RUNX1T1: variants seen among roughly 807,000 people sequenced by gnomAD.
RUNX1T1 encodes RUNX1 partner transcriptional co-repressor 1.
Under a neutral mutation model 62.8 loss-of-function variants are expected in RUNX1T1, and 4 were observed. That is an observed-to-expected ratio of 0.06 (90% CI 0.03 to 0.15). The LOEUF is 0.15. Ranked by LOEUF, RUNX1T1 falls within the 10% of genes least tolerant of loss-of-function variation. RUNX1T1 has a pLI of 1.00. For synonymous variants in RUNX1T1, 291 were observed against 286.0 expected (o/e 1.02, Z -0.18); for missense variants, 508 against 754.3 (o/e 0.67, Z 3.82).
intron 1 of RUNX1T1, among the ~76,000 whole-genome samples, chr8:92,085,955 T>C (rs1285225790): frequency 1.3e-5 from 2 of 152,254 alleles, no homozygotes; most frequent in African/African-American, 4.8e-5. Context: ...TATCTGTTAA[T>C]TGTAAAATGG....
At chr8:91,973,628 T>C (rs1444331693) in intron 9 of RUNX1T1, among the ~76,000 whole-genome samples, 1 of 152,098 alleles carries the variant, frequency 6.6e-6, no homozygotes, top group Non-Finnish European at 1.5e-5. Flanking sequence ...AAAATTTTTT[T>C]GCCCATAGCC....
intron 1 of RUNX1T1, among the ~76,000 whole-genome samples, chr8:92,052,768 C>A (rs964154733): frequency 6.6e-5 from 10 of 152,130 alleles, no homozygotes; most frequent in South Asian, 4.1e-4. Flanking sequence ...CCAACAAATT[C>A]TCTGGTGAGG....
At chr8:92,069,318 T>C (rs1018043488) in intron 2 of RUNX1T1, among the ~76,000 whole-genome samples, 2 of 152,098 alleles carry the variant, frequency 1.3e-5, no homozygotes, top group African/African-American at 2.4e-5. Flanking sequence ...TCCCTATAGT[T>C]CAGAGAAATT....
exon 11 of RUNX1T1, chr8:91,959,451 T>A: frequency 8.1e-6 from 1 of 123,454 alleles, no homozygotes; most frequent in Non-Finnish European, 1.4e-5. Flanking sequence ...TGTGTGTGTG[T>A]GTGTGTGTGT....
At chr8:92,011,378 C>T (rs1173025117) in intron 3 of RUNX1T1, among the ~76,000 whole-genome samples, 2 of 152,126 alleles carry the variant, frequency 1.3e-5, no homozygotes, top group Non-Finnish European at 2.9e-5. Flanking sequence ...GAAGTCTTTG[C>T]AATTATGAAG....
intron 5 of RUNX1T1, 40 bp downstream of exon 6, chr8:92,005,076 A>G (rs1221159436): frequency 5.3e-6 from 8 of 1,523,454 alleles, no homozygotes; most frequent in South Asian, 3.8e-5. Context: ...CAGGTATGGG[A>G]AAAAGGTCAT....
At chr8:91,995,315 A>G (rs1158440960) in intron 5 of RUNX1T1, among the ~76,000 whole-genome samples, 1 of 152,208 alleles carries the variant, frequency 6.6e-6, no homozygotes, top group Non-Finnish European at 1.5e-5. Context: ...GGAGGTAAAA[A>G]GCATTTTTTT....
At chr8:92,024,338 G>A (rs1215065298) in intron 1 of RUNX1T1, among the ~76,000 whole-genome samples, 1 of 151,712 alleles carries the variant, frequency 6.6e-6, no homozygotes, top group African/African-American at 2.4e-5. Flanking sequence ...GTAAAGCCCT[G>A]TCTCTACAAA....
intron 6 of RUNX1T1, 57 bp downstream of exon 7, chr8:91,991,581 TG>T: frequency 1.3e-6 from 2 of 1,524,390 alleles, no homozygotes; most frequent in South Asian, 2.4e-5. Context: ...TCAGAAATAA[TG>T]GTGCAAGTCT....
exon 1 of RUNX1T1, chr8:92,062,789 G>A (rs1832287301): frequency 1.3e-6 from 2 of 1,490,884 alleles, no homozygotes; most frequent in East Asian, 2.5e-5. Flanking sequence ...AGGAGCACAT[G>A]TGGCCTTGAA....
intron 6 of RUNX1T1, among the ~76,000 whole-genome samples, chr8:91,989,861 TG>T (rs1247640487): frequency 1.3e-5 from 2 of 152,208 alleles, no homozygotes; most frequent in African/African-American, 4.8e-5. Flanking sequence ...TCTTCAGAAA[TG>T]GTACCTGCGA....
intron 1 of RUNX1T1, among the ~76,000 whole-genome samples, chr8:92,059,738 G>GA (rs1342195554): frequency 1.3e-5 from 2 of 152,132 alleles, no homozygotes; most frequent in Non-Finnish European, 2.9e-5. Context: ...CTCTGCTAAG[G>GA]AAAATATGTG....
At chr8:92,071,008 A>T (rs942630329) in intron 2 of RUNX1T1, among the ~76,000 whole-genome samples, 2 of 152,182 alleles carry the variant, frequency 1.3e-5, no homozygotes, top group Non-Finnish European at 2.9e-5. Context: ...AAATCCTCTT[A>T]TATTCATGGG....
chr8:91,996,177 T>C (rs1818621510), intron 5 of RUNX1T1, among the ~76,000 whole-genome samples: 1 of 151,994 alleles, frequency 6.6e-6, no homozygotes, highest in South Asian at 2.1e-4. Flanking sequence ...AAGTTTTATT[T>C]TATTTGTTTT....
chr8:92,076,286 A>G (rs1455718117), intron 1 of RUNX1T1, 149 bp from the exon 2 acceptor site: 2 of 480,200 alleles, frequency 4.2e-6, no homozygotes, highest in African/African-American at 4.0e-5. Flanking sequence ...ATTTTAGAAG[A>G]ATCCAAAACA....
chr8:92,004,788 T>C (rs1820421122), intron 5 of RUNX1T1: 2 of 209,676 alleles, frequency 9.5e-6, no homozygotes, highest in Non-Finnish European at 1.9e-5. Flanking sequence ...TTAAATTACA[T>C]AATGAATGAG....
chr8:92,027,220 A>T (rs1440558793), intron 1 of RUNX1T1, among the ~76,000 whole-genome samples: 2 of 152,222 alleles, frequency 1.3e-5, no homozygotes, highest in African/African-American at 2.4e-5. Flanking sequence ...AAGATTAAAT[A>T]AAATTTAAAA....
At chr8:92,102,023 A>G (rs1217519767), upstream of RUNX1T1, among the ~76,000 whole-genome samples, 2 of 152,214 alleles carry the variant, frequency 1.3e-5, no homozygotes, top group Non-Finnish European at 2.9e-5. This position sits in a 1 kb window ranked among gnomAD's most constrained non-coding sequence, Gnocchi z 4.5. Flanking sequence ...GGCGGGAGCT[A>G]CAGGGCACAA....
intron 5 of RUNX1T1, among the ~76,000 whole-genome samples, chr8:91,996,391 C>A (rs138653078): frequency 1.5e-3 from 227 of 152,114 alleles, no homozygotes; most frequent in African/African-American, 5.2e-3. Flanking sequence ...TTAGTAGAGA[C>A]GGGGTTTCAC....
Sources: gnomAD v4.1 joint callset for allele counts (sites outside exome capture counted in the v4.1 genomes callset) on GRCh38, gnomAD v4.1.1 for gene constraint, Gnocchi (gnomAD v3.1) non-coding constraint, MANE v1.5 for transcripts, NCBI Gene and HGNC (gene_info 2026-07-23, HGNC 2026-07-21) for gene names.